Variants in MPP4 observed in about 807,000 individuals in gnomAD.
MPP4 encodes the protein MAGUK p55 subfamily member 4.
Under a neutral mutation model 98.3 loss-of-function variants are expected in MPP4, and 91 were observed. The ratio of observed to expected loss-of-function variants is 0.93; its 90% CI spans 0.78 to 1.10. MPP4 has a LOEUF of 1.10. Among genes scored for constraint, MPP4 ranks in the 50% least tolerant of loss-of-function variants. MPP4 has a pLI of 0.00. For missense variants in MPP4, 744 were observed against 792.9 expected, an observed-to-expected ratio of 0.94 and a Z score of 0.74; for synonymous variants, 261 against 271.8, an observed-to-expected ratio of 0.96 and a Z score of 0.39.
chr2:201,689,107 A>G (rs1688925373), intron 4 of MPP4, among the ~76,000 whole-genome samples: 1 of 151,962 alleles, frequency 6.6e-6, no homozygotes, highest in Non-Finnish European at 1.5e-5. Flanking sequence ...GTGGGCAGAT[A>G]GCTTAGTGTC....
intron 18 of MPP4, among the ~76,000 whole-genome samples, chr2:201,653,296 C>T (rs1337685858): frequency 6.6e-6 from 1 of 152,176 alleles, no homozygotes; most frequent in African/African-American, 2.4e-5. Context: ...CTGTGTCCCC[C>T]AAAGTGCAGA....
intron 19 of MPP4, 98 bp from the exon 20 acceptor site, chr2:201,649,782 T>C: frequency 3.7e-6 from 3 of 802,308 alleles, no homozygotes; most frequent in Non-Finnish European, 6.3e-6. Context: ...AATATAAATA[T>C]GTGGACTTTA....
At chr2:201,690,006 G>T (rs1688961504) in intron 4 of MPP4, among the ~76,000 whole-genome samples, 196 bp downstream of exon 4, 1 of 152,166 alleles carries the variant, frequency 6.6e-6, no homozygotes, top group African/African-American at 2.4e-5. Context: ...CGTGGGTGGT[G>T]GTGGGGAGTG....
At position 201,645,013 on chromosome 2, in the gene MPP4, G is replaced by GA; in HGVS notation, c.*196_*197insT. ...CTACCACAGCTGCATATGAGGTAAA[G>GA]GAAAAAAAATTAAGTTAAAATAGGT... On this transcript the variant is annotated 3_prime_UTR_variant, in exon 22 of 22. Coordinates refer to ENST00000409474, the MANE Select transcript of MPP4 (RefSeq NM_033066.3). 1 of 378,296 alleles carries GA rather than the reference G, an allele frequency of 2.6e-6. No individual in the cohort carries two copies. Among genetic ancestry groups the GA allele is most frequent in the Non-Finnish European group, 4.5e-6 (1 of 223,866 alleles). 23.4% of individuals were successfully genotyped at this position (378,296 alleles called of 1,614,324 possible). A position where few individuals can be genotyped will look rare whatever the true frequency, so the allele number is the denominator to read the frequency against.
In MPP4 at chr2:201,682,864, C is replaced by T. The variant is rs557516211; in HGVS notation, c.627G>A (p.Glu209=). The T allele has an allele frequency of 1.7e-5, 27 of 1,613,974 alleles. No individual in the cohort carries two copies. The African/African-American group carries it at 3.2e-4, about 19-fold the overall frequency. Residue 209 remains glutamate (E), a synonymous_variant, in exon 8 of 22, where the codon GAG becomes GAA. Coordinates refer to ENST00000409474, the MANE Select transcript of MPP4 (RefSeq NM_033066.3). ...KLVEVNGVSV[E]GLDPEQVIHI... ...GGATCACTTGTTCAGGGTCCAGTCCCTCAACTGAAACTCCATTCACTTCTA... is the reference window on the plus strand; with the variant it reads ...GGATCACTTGTTCAGGGTCCAGTCCTTCAACTGAAACTCCATTCACTTCTA...
intron 7 of MPP4, among the ~76,000 whole-genome samples, 188 bp from the exon 8 acceptor site, chr2:201,683,104 A>T (rs1320210801): frequency 6.6e-6 from 1 of 150,872 alleles, no homozygotes; most frequent in East Asian, 1.9e-4. Context: ...TGAACAGTCC[A>T]TTTTTCTACC....
chr2:201,676,977 C>G (rs1423399895), intron 10 of MPP4, among the ~76,000 whole-genome samples: 1 of 152,244 alleles, frequency 6.6e-6, no homozygotes, highest in Non-Finnish European at 1.5e-5. Flanking sequence ...CAGAAATATT[C>G]TCTGCATAAT....
Position 201,698,633 on chromosome 2 carries a change from T to A in MPP4, c.-147A>T. ...TGTTGCTCCTATCCAGACAAAAGCTTTAGTAGGATACTAGTGGCCTGTTAG... is the reference window on the plus strand; with the variant it reads ...TGTTGCTCCTATCCAGACAAAAGCTATAGTAGGATACTAGTGGCCTGTTAG... On this transcript the variant is annotated 5_prime_UTR_variant, in exon 1 of 22. Transcript: ENST00000409474. 7.7e-7 allele frequency: 1 copy of A among 1,301,944 alleles called. No homozygotes were observed. Among genetic ancestry groups the A allele is most frequent in the Non-Finnish European group, 1.0e-6 (1 of 988,168 alleles). The allele number at this position is 1,301,944 out of a possible 1,614,324, so 80.6% of individuals were successfully genotyped here. A position where few individuals can be genotyped will look rare whatever the true frequency, so the allele number is the denominator to read the frequency against.
intron 12 of MPP4, among the ~76,000 whole-genome samples, chr2:201,668,202 T>C (rs1574615311): frequency 6.6e-6 from 1 of 152,184 alleles, no homozygotes; most frequent in East Asian, 1.9e-4. Context: ...GGATCTAAGA[T>C]AGGGCCACTG....
intron 1 of MPP4, among the ~76,000 whole-genome samples, chr2:201,696,476 C>T (rs902928085): frequency 3.9e-5 from 6 of 152,186 alleles, no homozygotes; most frequent in African/African-American, 2.4e-5. Context: ...GGTTCCCCTC[C>T]AGCACCTCAC....
At chr2:201,689,643 G>A (rs2105946989) in intron 4 of MPP4, among the ~76,000 whole-genome samples, 1 of 152,286 alleles carries the variant, frequency 6.6e-6, no homozygotes, top group Non-Finnish European at 1.5e-5. Context: ...GATTGGGTGT[G>A]AGGTATCAGA....
intron 18 of MPP4, among the ~76,000 whole-genome samples, chr2:201,652,718 C>T (rs1201669628): frequency 2.0e-5 from 3 of 152,174 alleles, no homozygotes; most frequent in Non-Finnish European, 2.9e-5. Context: ...GAGAGCCAGA[C>T]GAGAGTATGA....
intron 18 of MPP4, chr2:201,650,590 A>G (rs1202887320): frequency 2.0e-6 from 2 of 985,278 alleles, no homozygotes; most frequent in African/African-American, 1.7e-5. Flanking sequence ...AACTGTTAAT[A>G]TCTATATTTT....
Position 201,645,286 on chromosome 2 carries a change from GACA to G in MPP4, c.1835_1837del (p.Leu612del), listed in dbSNP as rs746856686. 4.3e-6 allele frequency: 7 copies of G among 1,613,964 alleles called. No homozygotes were observed. In the Admixed American group the frequency reaches 5.0e-5, roughly 12 times the overall value. On this transcript the variant is annotated inframe_deletion, in exon 22 of 22. Coordinates refer to ENST00000409474, the MANE Select transcript of MPP4 (RefSeq NM_033066.3). ...CTCCTCCTGAGCCTTCTGTATGGCAGACAACAACTGGGCACATGCATCGTGCAA... is the reference window on the plus strand; with the variant it reads ...CTCCTCCTGAGCCTTCTGTATGGCAGACAACTGGGCACATGCATCGTGCAA...
chr2:201,685,552 C>G (rs1389304821), intron 6 of MPP4, among the ~76,000 whole-genome samples: 1 of 152,206 alleles, frequency 6.6e-6, no homozygotes, highest in Admixed American at 6.5e-5. Context: ...AGATTAATGC[C>G]TTCCTTAGCT....
intron 1 of MPP4, among the ~76,000 whole-genome samples, chr2:201,698,301 G>T (rs1048102172): frequency 2.0e-5 from 3 of 152,156 alleles, no homozygotes; most frequent in African/African-American, 4.8e-5. Flanking sequence ...AAAAATAGCT[G>T]GCTTCCTCTG....
chr2:201,696,731 G>A (rs534615256), intron 1 of MPP4, among the ~76,000 whole-genome samples: 2 of 152,264 alleles, frequency 1.3e-5, no homozygotes, highest in South Asian at 4.1e-4. Context: ...TGAATGCAAT[G>A]GTTAAAATAG....
intron 11 of MPP4, chr2:201,673,590 G>A: frequency 5.2e-6 from 1 of 192,246 alleles, no homozygotes; most frequent in Non-Finnish European, 1.1e-5. Context: ...AAAAAAAGAT[G>A]TTAAGTTTAA....
intron 14 of MPP4, among the ~76,000 whole-genome samples, chr2:201,661,080 C>G (rs899726991): frequency 6.6e-6 from 1 of 152,108 alleles, no homozygotes; most frequent in Admixed American, 6.6e-5. Context: ...GCCACCACGC[C>G]TGGCTAATTT....
Sources: allele counts gnomAD v4.1 joint callset (sites outside exome capture counted in the v4.1 genomes callset), GRCh38; gene constraint gnomAD v4.1.1; transcripts MANE v1.5; gene names NCBI Gene and HGNC (gene_info 2026-07-23, HGNC 2026-07-21).